Variants in HERC1 observed in about 807,000 individuals in gnomAD.
HERC1 encodes probable E3 ubiquitin-protein ligase HERC1.
Under a neutral mutation model 554.3 loss-of-function variants are expected in HERC1, and 160 were observed. The ratio of observed to expected loss-of-function variants is 0.29; its 90% CI spans 0.25 to 0.33. The LOEUF (loss-of-function observed/expected upper bound fraction) is 0.33, where lower values mean the gene tolerates loss of function less well. HERC1 is among the 10% of genes least tolerant of loss of function. The pLI, the probability that HERC1 is intolerant of heterozygous loss-of-function variation, is 1.00. For missense variants in HERC1, 4,919 were observed against 5,918.5 expected, an observed-to-expected ratio of 0.83 and a Z score of 5.54; for synonymous variants, 2,175 against 2,131.7, an observed-to-expected ratio of 1.02 and a Z score of -0.56.
intron 18 of HERC1, among the ~76,000 whole-genome samples, chr15:63,724,578 T>C (rs2140680660): frequency 6.6e-6 from 1 of 152,344 alleles, no homozygotes. Flanking sequence ...AGGGACATGT[T>C]GAGTCTCTTT....
rs1227158261 is a variant in HERC1, at chr15:63,737,538, T to C, written c.2521-2689A>G. 1.4e-4 allele frequency among the ~76,000 whole-genome samples: 17 copies of C among 124,396 alleles called. 2 individuals carry two copies. Among genetic ancestry groups the C allele is most frequent in the African/African-American group, 2.2e-4 (7 of 31,582 alleles). The allele number at this position is 124,396 out of a possible 152,430, so 81.6% of individuals were successfully genotyped here. On this transcript the variant is annotated intron_variant, in intron 12 of 77. Coordinates refer to ENST00000443617, the MANE Select transcript of HERC1 (RefSeq NM_003922.4). ...CCAGATATATATATATATATATATATATATATATATCTTTTTTTTTTTTAG... is the reference window on the plus strand; with the variant it reads ...CCAGATATATATATATATATATATACATATATATATCTTTTTTTTTTTTAG...
chr15:63,753,399 T>C (rs1174655953), intron 7 of HERC1, among the ~76,000 whole-genome samples: 1 of 152,172 alleles, frequency 6.6e-6, no homozygotes, highest in Non-Finnish European at 1.5e-5. Context: ...AACTTCAAAT[T>C]TGCTGACAAA....
At chr15:63,624,397 T>C (rs997329850) in intron 71 of HERC1, 70 bp from the exon 72 acceptor site, 8 of 1,400,098 alleles carry the variant, frequency 5.7e-6, no homozygotes, top group East Asian at 4.6e-5. Flanking sequence ...TTTTCACTTA[T>C]AGAACATACA....
At chr15:63,643,956 C>G (rs1407307507) in intron 57 of HERC1, among the ~76,000 whole-genome samples, 4 of 152,112 alleles carry the variant, frequency 2.6e-5, no homozygotes, top group Non-Finnish European at 5.9e-5. Context: ...TAAATAGATT[C>G]CTCTTTTTGT....
Position 63,729,646 on chromosome 15 carries a change from G to C in HERC1, c.2872C>G (p.Gln958Glu). The C allele has an allele frequency of 6.2e-7, 1 of 1,613,448 alleles. No individual in the cohort carries two copies. The highest frequency in any genetic ancestry group is 8.5e-7 in the Non-Finnish European group (1 of 1,179,548). ...LLRNLGFYTDQAFGELEKNSD... is the reference protein window; with the variant it reads ...LLRNLGFYTDEAFGELEKNSD... The stretch of plus-strand genomic sequence containing the variant: ...TTCTTTTCTAGCTCTCCAAATGCTT[G>C]ATCCTAAAATGACACACAAAGGAAG... The change falls in exon 15 of 78, where the codon CAA becomes GAA. Residue 958 changes from glutamine (Q) to glutamate (E), a missense_variant. Transcript: ENST00000443617.
rs1458774902 is a variant in HERC1, at chr15:63,690,522, T to C, written c.5937+19A>G. 5.9e-6 allele frequency: 9 copies of C among 1,524,540 alleles called. No individual in the cohort carries two copies. The highest frequency in any genetic ancestry group is 1.7e-4 in the Middle Eastern group (1 of 5,818). The allele number at this position is 1,524,540 out of a possible 1,614,324, so 94.4% of individuals were successfully genotyped here. On this transcript the variant is annotated intron_variant, in intron 32 of 77. Coordinates refer to ENST00000443617, the MANE Select transcript of HERC1 (RefSeq NM_003922.4). ...TGCAAATATGGAAAACATCTTCTAA[T>C]AATTTTAAAAATAAAAACCTGGGCC...
intron 1 of HERC1, among the ~76,000 whole-genome samples, chr15:63,797,676 CCTGTCAATTAAA>C (rs1250330723): frequency 6.6e-6 from 1 of 152,228 alleles, no homozygotes; most frequent in Admixed American, 6.5e-5. Flanking sequence ...TGGCCAGCCT[CCTGTCAATTAAA>C]CTCTTCCTTT....
chr15:63,829,499 T>TACACAC (rs59580148), intron 1 of HERC1, among the ~76,000 whole-genome samples: 3 of 53,370 alleles, frequency 5.6e-5, no homozygotes, highest in African/African-American at 1.8e-4. Context: ...TATATATATA[T>TACACAC]ACACACACAC....
intron 31 of HERC1, among the ~76,000 whole-genome samples, chr15:63,691,586 A>G (rs1209197101): frequency 2.0e-5 from 3 of 152,188 alleles, no homozygotes; most frequent in Non-Finnish European, 4.4e-5. Flanking sequence ...AAATAAATGA[A>G]TATCTGATTT....
intron 19 of HERC1, among the ~76,000 whole-genome samples, chr15:63,721,066 A>T (rs1242802823): frequency 6.6e-6 from 1 of 152,172 alleles, no homozygotes; most frequent in Non-Finnish European, 1.5e-5. Context: ...CTGCAAGGTA[A>T]TAAGTGATAA....
intron 1 of HERC1, among the ~76,000 whole-genome samples, chr15:63,816,870 C>A (rs2077508790): frequency 6.6e-6 from 1 of 152,090 alleles, no homozygotes; most frequent in Admixed American, 6.6e-5. Flanking sequence ...ATTAAGAAGT[C>A]TAAGCAATTA....
intron 17 of HERC1, among the ~76,000 whole-genome samples, chr15:63,726,827 A>G (rs959755139): frequency 2.6e-5 from 4 of 152,212 alleles, no homozygotes; most frequent in African/African-American, 4.8e-5. Context: ...CGTTCATGTT[A>G]TGAGATTAGT....
At chr15:63,615,694 G>T in intron 76 of HERC1, 74 bp downstream of exon 76, 1 of 1,186,592 alleles carries the variant, frequency 8.4e-7, no homozygotes, top group Non-Finnish European at 1.2e-6. Context: ...AGCAGATTTT[G>T]GCATACCCAG....
chr15:63,743,083 T>C (rs961095725), intron 12 of HERC1, among the ~76,000 whole-genome samples: 2 of 152,136 alleles, frequency 1.3e-5, no homozygotes, highest in African/African-American at 4.8e-5. Context: ...TTTTGTGGAA[T>C]TCACAAGTGA....
chr15:63,673,436 G>T (rs986596227), intron 38 of HERC1, among the ~76,000 whole-genome samples: 3 of 152,126 alleles, frequency 2.0e-5, no homozygotes, highest in Non-Finnish European at 4.4e-5. Flanking sequence ...AGGAAAAGAA[G>T]AAAGAAGGGA....
intron 22 of HERC1, 86 bp from the exon 23 acceptor site, chr15:63,713,751 G>T: frequency 7.9e-7 from 1 of 1,266,514 alleles, no homozygotes. Flanking sequence ...CAAAAAGTTT[G>T]GACCAAAAAC....
At chr15:63,731,240 AT>A (rs1490576113) in intron 14 of HERC1, among the ~76,000 whole-genome samples, 1 of 152,138 alleles carries the variant, frequency 6.6e-6, no homozygotes, top group Non-Finnish European at 1.5e-5. Context: ...TAGGCAGAAA[AT>A]TTGGTTTATG....
chr15:63,641,443 T>A, intron 60 of HERC1, 27 bp downstream of exon 60: 2 of 1,572,292 alleles, frequency 1.3e-6, no homozygotes, highest in Non-Finnish European at 1.7e-6. Flanking sequence ...TATCTGTGTA[T>A]CTCTAGGAGT....
chr15:63,799,940 C>T (rs1033626727), intron 1 of HERC1, among the ~76,000 whole-genome samples: 12 of 152,018 alleles, frequency 7.9e-5, no homozygotes, highest in African/African-American at 2.7e-4. Flanking sequence ...CCTGAGCCTG[C>T]GCAACAGTGT....
Sources: gnomAD v4.1 joint callset for allele counts (sites outside exome capture counted in the v4.1 genomes callset) on GRCh38, gnomAD v4.1.1 for gene constraint, MANE v1.5 for transcripts, NCBI Gene and HGNC (gene_info 2026-07-23, HGNC 2026-07-21) for gene names.